The following ADARB2 variants were observed in gnomAD, a reference collection of about 807,000 sequenced individuals.
ADARB2 encodes inactive double-stranded RNA-specific editase B2.
Under a neutral mutation model 62.2 loss-of-function variants are expected in ADARB2, and 25 were observed. That is an observed-to-expected ratio of 0.40 (90% CI 0.29 to 0.56). ADARB2 has a LOEUF of 0.56. Among genes scored for constraint, ADARB2 ranks in the 20% least tolerant of loss-of-function variants. The pLI, the probability that ADARB2 is intolerant of heterozygous loss-of-function variation, is 0.43. For synonymous variants in ADARB2, 572 were observed against 500.8 expected (o/e 1.14, Z -1.90); for missense variants, 1,071 against 1,077.4 (o/e 0.99, Z 0.08).
At chr10:1,207,455 CTGAGAT>C (rs1416169272) in intron 7 of ADARB2, among the ~76,000 whole-genome samples, 2 of 152,194 alleles carry the variant, frequency 1.3e-5, no homozygotes, top group African/African-American at 4.8e-5. Context: ...GACCTACACT[CTGAGAT>C]TAGAACAATG....
At chr10:1,211,208 CATCT>C (rs1299776949) in intron 7 of ADARB2, among the ~76,000 whole-genome samples, 2 of 151,914 alleles carry the variant, frequency 1.3e-5, no homozygotes, top group African/African-American at 4.8e-5. Flanking sequence ...CTATCATTAT[CATCT>C]ATCATCTACC....
intron 8 of ADARB2, among the ~76,000 whole-genome samples, chr10:1,186,809 A>G (rs2131734649): frequency 6.6e-6 from 1 of 152,330 alleles, no homozygotes; most frequent in African/African-American, 2.4e-5. Flanking sequence ...GTCTGAGAGC[A>G]AAGACCTGGT....
intron 1 of ADARB2, among the ~76,000 whole-genome samples, chr10:1,651,706 G>A (rs10903536): frequency 0.28 from 42,663 of 152,108 alleles, 7,138 homozygotes; most frequent in East Asian, 0.44. Flanking sequence ...AGCAGACAGC[G>A]AAGCGGGGCC....
chr10:1,195,401 T>G, intron 8 of ADARB2, among the ~76,000 whole-genome samples: 1 of 82,826 alleles, frequency 1.2e-5, no homozygotes, highest in East Asian at 4.6e-4. Context: ...TTTTTTTTTG[T>G]TTTTTTTTTT....
chr10:1,536,462 C>T (rs1832334653), intron 1 of ADARB2, among the ~76,000 whole-genome samples: 1 of 152,214 alleles, frequency 6.6e-6, no homozygotes, highest in Admixed American at 6.5e-5. Flanking sequence ...AGCACAGTGT[C>T]ACCCAAAAAC....
chr10:1,465,054 C>A (rs1319427311), intron 1 of ADARB2, among the ~76,000 whole-genome samples: 1 of 152,220 alleles, frequency 6.6e-6, no homozygotes, highest in Non-Finnish European at 1.5e-5. Flanking sequence ...GGATGAAACA[C>A]GACCCAGCCA....
In ADARB2 at chr10:1,219,923, GGTGATGGTGATGATGGTGGTGATA is replaced by G. The variant is rs1301783334; in HGVS notation, c.1514-2828_1514-2805del. ...TGATGGTAATGGTGGTGGCGATGATGGTGATGGTGATGATGGTGGTGATAATGGTGATGGTGGTGGTGATGGATG... is the reference window on the plus strand; with the variant it reads ...TGATGGTAATGGTGGTGGCGATGATGATGGTGATGGTGGTGGTGATGGATG... On this transcript the variant is annotated intron_variant, in intron 6 of 9. Transcript: ENST00000381312. 3.3e-5 allele frequency among the ~76,000 whole-genome samples: 5 copies of G among 149,708 alleles called. No individual in the cohort carries two copies. The East Asian group carries it at 9.9e-4, about 30-fold the overall frequency.
chr10:1,394,020 C>T (rs1206232240), intron 1 of ADARB2, among the ~76,000 whole-genome samples: 4 of 152,122 alleles, frequency 2.6e-5, no homozygotes, highest in Non-Finnish European at 2.9e-5. Flanking sequence ...TGGTGTCCTC[C>T]GTGAACTCTG....
intron 3 of ADARB2, among the ~76,000 whole-genome samples, chr10:1,337,296 G>A (rs1312302670): frequency 6.6e-6 from 1 of 152,168 alleles, no homozygotes; most frequent in African/African-American, 2.4e-5. Flanking sequence ...GACTCTAACG[G>A]CAAGCTCTAA....
intron 1 of ADARB2, among the ~76,000 whole-genome samples, chr10:1,669,877 C>G (rs1441892917): frequency 6.6e-6 from 1 of 151,998 alleles, no homozygotes; most frequent in Non-Finnish European, 1.5e-5. Context: ...CAAATACACA[C>G]AGACACACTC....
chr10:1,200,584 C>A (rs558590448), intron 7 of ADARB2, among the ~76,000 whole-genome samples: 1 of 151,968 alleles, frequency 6.6e-6, no homozygotes, highest in Non-Finnish European at 1.5e-5. Context: ...TCAAAATGAC[C>A]TATTGTGTTG....
intron 1 of ADARB2, among the ~76,000 whole-genome samples, chr10:1,727,819 T>C (rs1835186203): frequency 6.6e-6 from 1 of 152,238 alleles, no homozygotes; most frequent in Non-Finnish European, 1.5e-5. Flanking sequence ...CTTTTGCTCA[T>C]GTCATTGTGA....
intron 1 of ADARB2, among the ~76,000 whole-genome samples, chr10:1,501,762 A>G (rs1831771242): frequency 6.6e-6 from 1 of 152,130 alleles, no homozygotes; most frequent in Non-Finnish European, 1.5e-5. Context: ...CATAAATATC[A>G]TTTCTCCCCA....
chr10:1,673,173 G>C (rs1470668071), intron 1 of ADARB2, among the ~76,000 whole-genome samples: 1 of 152,096 alleles, frequency 6.6e-6, no homozygotes, highest in African/African-American at 2.4e-5. Context: ...TTCTGGCATT[G>C]GGAAGACTTC....
chr10:1,704,458 C>T lies in ADARB2; in HGVS notation c.100+32593G>A, dbSNP rs1348470606. 6.6e-6 allele frequency among the ~76,000 whole-genome samples: 1 copy of T among 152,056 alleles called. No homozygotes were observed. Among genetic ancestry groups the T allele is most frequent in the African/African-American group, 2.4e-5 (1 of 41,388 alleles). On this transcript the variant is annotated intron_variant, in intron 1 of 9. Coordinates refer to ENST00000381312, the MANE Select transcript of ADARB2 (RefSeq NM_018702.4). This position sits in a 1 kb window ranked among gnomAD's most constrained non-coding sequence, Gnocchi z 5.6. ...TACAAGCACAGTTAGCAATAGGATC[C>T]CCACTCCTATAGGAATCTAATGCCA...
intron 1 of ADARB2, among the ~76,000 whole-genome samples, chr10:1,655,516 C>T (rs1834162811): frequency 6.6e-6 from 1 of 152,242 alleles, no homozygotes; most frequent in Middle Eastern, 3.2e-3. Context: ...TTTATTCTAA[C>T]AGAACCACTG....
chr10:1,433,753 C>T (rs17156322), intron 1 of ADARB2, among the ~76,000 whole-genome samples: 15,249 of 152,054 alleles, frequency 0.1, 949 homozygotes, highest in East Asian at 0.25. Flanking sequence ...GGAAATGCAG[C>T]GCGGAGATAA....
chr10:1,334,185 G>A (rs559517840), intron 3 of ADARB2, among the ~76,000 whole-genome samples: 5 of 152,320 alleles, frequency 3.3e-5, no homozygotes, highest in African/African-American at 1.2e-4. Flanking sequence ...TGGAAGAAGC[G>A]GCGGGGTGGC....
rs1322061215 is a variant in ADARB2 at position 1,183,065 on chromosome 10, A to G, written c.*128T>C. 3 of 1,053,756 alleles carry G rather than the reference A, an allele frequency of 2.8e-6. No individual in the cohort carries two copies. The African/African-American group carries it at 4.8e-5, about 17-fold the overall frequency. The allele number at this position is 1,053,756 out of a possible 1,614,324, so 65.3% of individuals were successfully genotyped here. On this transcript the variant is annotated 3_prime_UTR_variant, in exon 10 of 10. Coordinates refer to ENST00000381312, the MANE Select transcript of ADARB2 (RefSeq NM_018702.4). ...GTTGTTGCTCGTCCAAACATTGCACACTCGCGTGTTTCTGGGACACCAAAG... is the reference window on the plus strand; with the variant it reads ...GTTGTTGCTCGTCCAAACATTGCACGCTCGCGTGTTTCTGGGACACCAAAG...
Sources: gnomAD v4.1 joint callset for allele counts (sites outside exome capture counted in the v4.1 genomes callset) on GRCh38, gnomAD v4.1.1 for gene constraint, Gnocchi (gnomAD v3.1) non-coding constraint, MANE v1.5 for transcripts, NCBI Gene and HGNC (gene_info 2026-07-23, HGNC 2026-07-21) for gene names.